The following COL5A2 variants were observed in gnomAD, a reference collection of about 807,000 sequenced individuals.
The protein encoded by COL5A2 is collagen type V alpha 2 chain, also known as collagen alpha-2(V) chain.
Under a neutral mutation model 208.2 loss-of-function variants are expected in COL5A2, and 23 were observed. The ratio of observed to expected loss-of-function variants is 0.11; its 90% confidence interval spans 0.08 to 0.16. The LOEUF (loss-of-function observed/expected upper bound fraction) is 0.16, where lower values mean the gene tolerates loss of function less well. Among genes scored for constraint, COL5A2 ranks in the 10% least tolerant of loss-of-function variants. The pLI is 1.00. For synonymous variants in COL5A2, 625 were observed against 628.5 expected, an observed-to-expected ratio of 0.99 and a Z score of 0.08; for missense variants, 1,590 against 1,956.4, an observed-to-expected ratio of 0.81 and a Z score of 3.53.
At chr2:189,064,181 A>C in intron 25 of COL5A2, 148 bp from the exon 26 acceptor site, 1 of 659,198 alleles carries the variant, frequency 1.5e-6, no homozygotes, top group Non-Finnish European at 2.6e-6. Context: ...GTATTGTTAA[A>C]ATTTTTCAGA....
the COL5A2 span, among the ~76,000 whole-genome samples, chr2:189,301,649 G>T: frequency 2.6e-5 from 4 of 152,108 alleles, no homozygotes; most frequent in African/African-American, 7.2e-5. Context: ...TTTACGGCAT[G>T]AGTTACTCAA....
chr2:189,204,679 T>C (rs914179400), intron 1 of COL5A2, among the ~76,000 whole-genome samples: 5 of 152,324 alleles, frequency 3.3e-5, no homozygotes, highest in Admixed American at 2.6e-4. Flanking sequence ...GGGGACTTAA[T>C]CAAAGACCAC....
the COL5A2 span, among the ~76,000 whole-genome samples, chr2:189,412,004 T>A: frequency 1.3e-5 from 2 of 152,146 alleles, no homozygotes; most frequent in African/African-American, 4.8e-5. Flanking sequence ...GCTAGGGAAC[T>A]GTTTCTTCAT....
chr2:189,273,648 T>A, the COL5A2 span, among the ~76,000 whole-genome samples: 1 of 152,058 alleles, frequency 6.6e-6, no homozygotes, highest in Non-Finnish European at 1.5e-5. Context: ...ATGGTATATA[T>A]ACACAATGGA....
intron 1 of COL5A2, among the ~76,000 whole-genome samples, chr2:189,223,514 G>A (rs1689373594): frequency 6.6e-6 from 1 of 152,138 alleles, no homozygotes; most frequent in Non-Finnish European, 1.5e-5. Context: ...GAAAAGACAT[G>A]CACAAGAATA....
chr2:189,144,055 T>G (rs974889563), intron 1 of COL5A2, among the ~76,000 whole-genome samples: 1 of 152,134 alleles, frequency 6.6e-6, no homozygotes, highest in Non-Finnish European at 1.5e-5. Flanking sequence ...AACAACGTAG[T>G]GTTTGTATTT....
the COL5A2 span, among the ~76,000 whole-genome samples, chr2:189,276,618 A>G: frequency 2.6e-5 from 4 of 152,194 alleles, no homozygotes; most frequent in East Asian, 7.7e-4. Flanking sequence ...TATGAGTCAC[A>G]TTACATAAGT....
At chr2:189,382,545 T>C in the COL5A2 span, among the ~76,000 whole-genome samples, 1 of 152,216 alleles carries the variant, frequency 6.6e-6, no homozygotes, top group Admixed American at 6.5e-5. Context: ...TTATAAGTCA[T>C]ATAGAAAAAA....
At chr2:189,325,610 T>C in the COL5A2 span, among the ~76,000 whole-genome samples, 3 of 152,204 alleles carry the variant, frequency 2.0e-5, no homozygotes, top group African/African-American at 7.2e-5. Flanking sequence ...TGATTTTTCT[T>C]GTCATTTACT....
chr2:189,394,937 A>AT, the COL5A2 span, among the ~76,000 whole-genome samples: 2 of 152,302 alleles, frequency 1.3e-5, no homozygotes, highest in Admixed American at 6.5e-5. Flanking sequence ...TTAATCATTC[A>AT]TTTTAGGTTT....
the COL5A2 span, among the ~76,000 whole-genome samples, chr2:189,375,430 T>C: frequency 1.3e-5 from 2 of 152,174 alleles, no homozygotes; most frequent in African/African-American, 2.4e-5. Flanking sequence ...GTACAGACTA[T>C]AGTTTATTGA....
the COL5A2 span, chr2:189,311,740 C>A: frequency 7.8e-6 from 6 of 768,688 alleles, no homozygotes; most frequent in Non-Finnish European, 9.3e-6. Flanking sequence ...CTGCTGAGAC[C>A]AGTACTTGTC....
chr2:189,314,851 G>C, the COL5A2 span, among the ~76,000 whole-genome samples: 1 of 152,132 alleles, frequency 6.6e-6, no homozygotes, highest in East Asian at 1.9e-4. Context: ...TAAATTTCTG[G>C]ACACATACAC....
At chr2:189,122,548 T>C (rs1472851967) in intron 1 of COL5A2, among the ~76,000 whole-genome samples, 1 of 152,202 alleles carries the variant, frequency 6.6e-6, no homozygotes, top group African/African-American at 2.4e-5. Flanking sequence ...TGGAATTTGG[T>C]CATTCTCTTC....
the COL5A2 span, among the ~76,000 whole-genome samples, chr2:189,401,557 T>C: frequency 0.024 from 3,656 of 152,248 alleles, 158 homozygotes; most frequent in African/African-American, 0.084. Context: ...ATAGAATGAT[T>C]TGTATCTCAT....
At chr2:189,084,168 G>T in intron 11 of COL5A2, 131 bp from the exon 12 acceptor site, 1 of 674,342 alleles carries the variant, frequency 1.5e-6, no homozygotes, top group Non-Finnish European at 2.6e-6. Context: ...TCTCTAAACA[G>T]TGCAAAAAAT....
the COL5A2 span, among the ~76,000 whole-genome samples, chr2:189,414,689 C>CATTGCAGT: frequency 7.0e-6 from 1 of 143,006 alleles, no homozygotes; most frequent in African/African-American, 2.6e-5. Context: ...ACAGAGGTTG[C>CATTGCAGT]ATTGCAGTGA....
In COL5A2 at chr2:189,051,359, G is replaced by A. The variant is rs2105558761; in HGVS notation, c.2892C>T (p.Gly964=). The change falls in exon 42 of 54, where the codon GGC becomes GGT. Residue 964 remains glycine, a synonymous_variant. Transcript: ENST00000374866. The part of the protein sequence containing the change: ...GDRGPAGPPG[G]PGDKGDPGED... ...CTCCTGGGTCCCCTTTGTCTCCTGG[G>A]CCACCAGGGGGGCCAGCTGGTCCTC... 2 of 1,613,892 alleles carry A rather than the reference G, an allele frequency of 1.2e-6. No individual in the cohort carries two copies. The highest frequency in any genetic ancestry group is 1.7e-6 in the Non-Finnish European group (2 of 1,179,928).
intron 8 of COL5A2, among the ~76,000 whole-genome samples, chr2:189,087,590 C>G (rs987802370): frequency 1.9e-4 from 29 of 150,834 alleles, no homozygotes; most frequent in African/African-American, 7.0e-4. Flanking sequence ...GTAGCTGGGA[C>G]TACAGGCACC....
Sources: allele counts gnomAD v4.1 joint callset (sites outside exome capture counted in the v4.1 genomes callset), GRCh38; gene constraint gnomAD v4.1.1; transcripts MANE v1.5; gene names NCBI Gene and HGNC (gene_info 2026-07-23, HGNC 2026-07-21).